The following CDC23 variants were observed in gnomAD, a reference collection of about 807,000 sequenced individuals.
CDC23 encodes cell division cycle protein 23 homolog.
CDC23 carries 26 observed loss-of-function variants against 81.7 expected under a neutral mutation model. The observed-to-expected ratio is 0.32, with a 90% CI of 0.23 to 0.44. The LOEUF (loss-of-function observed/expected upper bound fraction) is 0.44, where lower values mean the gene tolerates loss of function less well. Ranked by LOEUF, CDC23 falls within the 20% of genes least tolerant of loss-of-function variation. The probability of loss-of-function intolerance (pLI) is 1.00; values close to 1 mark genes in which losing one functional copy is unlikely to be tolerated. For missense variants in CDC23, 519 were observed against 728.0 expected (o/e 0.71, Z 3.30); for synonymous variants, 267 against 270.8 (o/e 0.99, Z 0.14).
chr5:138,190,534 C>T (rs183052001), intron 13 of CDC23, among the ~76,000 whole-genome samples: 2 of 151,646 alleles, frequency 1.3e-5, no homozygotes, highest in Non-Finnish European at 2.9e-5. Context: ...GAGGCCAAGG[C>T]GGGTGGGTCA....
rs557538140 is a variant in CDC23 at position 138,209,865 on chromosome 5, A to G, written c.234+3126T>C. Reference sequence around the variant, plus strand: ...TGAGAGTAAGCTATAACAAACATCTACTACGTAGATTGAGCAAGCATAATA... The same window carrying G: ...TGAGAGTAAGCTATAACAAACATCTGCTACGTAGATTGAGCAAGCATAATA... On this transcript the variant is annotated intron_variant, in intron 2 of 15. Coordinates refer to ENST00000394886, the MANE Select transcript of CDC23 (RefSeq NM_004661.4). Among the ~76,000 whole-genome samples the G allele has an allele frequency of 3.3e-5, 5 of 151,750 alleles. No individual in the cohort carries two copies. In the South Asian group the frequency reaches 1.0e-3, roughly 32 times the overall value.
chr5:138,195,724 A>ATATATATACATATAATATATATG (rs1417651597), intron 9 of CDC23, among the ~76,000 whole-genome samples: 11 of 56,818 alleles, frequency 1.9e-4, no homozygotes, highest in South Asian at 5.7e-4. Context: ...ATATATATGT[A>ATATATATACATATAATATATATG]TATATATACA....
At position 138,192,528 on chromosome 5, in the gene CDC23, G is replaced by A; in HGVS notation, c.1142C>T (p.Thr381Met). The A allele has an allele frequency of 2.5e-6, 4 of 1,614,046 alleles. No individual in the cohort carries two copies. The highest frequency in any genetic ancestry group is 1.3e-5 in the African/African-American group (1 of 75,026). The change falls in exon 10 of 16, where the codon ACG becomes ATG. Residue 381 changes from threonine to methionine, a missense_variant. Transcript: ENST00000394886. ...CCTATAAGCCTGGATAGCAGCAGACGTGTTCTTCATCTCCATGTACTCATG... is the reference window on the plus strand; with the variant it reads ...CCTATAAGCCTGGATAGCAGCAGACATGTTCTTCATCTCCATGTACTCATG... ...MGHEYMEMKN[T>M]SAAIQAYRHA...
intron 2 of CDC23, among the ~76,000 whole-genome samples, chr5:138,209,053 TG>T (rs745443602): frequency 2.0e-5 from 3 of 151,722 alleles, no homozygotes; most frequent in Non-Finnish European, 2.9e-5. Flanking sequence ...ATTACAGGCA[TG>T]GGCCACCATG....
chr5:138,201,485 A>G, intron 4 of CDC23, 37 bp from the exon 5 acceptor site: 1 of 1,351,014 alleles, frequency 7.4e-7, no homozygotes, highest in Non-Finnish European at 1.0e-6. Flanking sequence ...TAAGGTTAGG[A>G]TGCTGGTTTT....
intron 8 of CDC23, 22 bp downstream of exon 8, chr5:138,198,404 C>T (rs1051041742): frequency 1.9e-6 from 3 of 1,608,608 alleles, no homozygotes; most frequent in Non-Finnish European, 2.6e-6. Context: ...TTAATCAAAT[C>T]CAAGCAAGGG....
At chr5:138,190,342 C>T (rs1471567928) in intron 13 of CDC23, among the ~76,000 whole-genome samples, 1 of 151,848 alleles carries the variant, frequency 6.6e-6, no homozygotes, top group South Asian at 2.1e-4. Flanking sequence ...CCTGTAATCC[C>T]ACCTACTCAG....
chr5:138,212,226 A>G (rs1755121251), intron 2 of CDC23, among the ~76,000 whole-genome samples: 1 of 152,194 alleles, frequency 6.6e-6, no homozygotes, highest in African/African-American at 2.4e-5. Flanking sequence ...GCCAAAGGTC[A>G]TTTGAACCCA....
chr5:138,197,037 T>G (rs1245317301), intron 9 of CDC23, among the ~76,000 whole-genome samples: 1 of 150,438 alleles, frequency 6.6e-6, no homozygotes, highest in East Asian at 1.9e-4. Flanking sequence ...AGCTAGTAAT[T>G]ATGCCTGGCT....
At chr5:138,208,483 T>C (rs1755077842) in intron 2 of CDC23, among the ~76,000 whole-genome samples, 1 of 152,130 alleles carries the variant, frequency 6.6e-6, no homozygotes, top group African/African-American at 2.4e-5. Flanking sequence ...TCACCTGCAT[T>C]ATGCCTTTTT....
At position 138,190,114 on chromosome 5, in the gene CDC23, G is replaced by A. The variant is rs1754809876; in HGVS notation, c.1425-208C>T. On this transcript the variant is annotated intron_variant, in intron 13 of 15. Transcript: ENST00000394886. ...CATTACTCTGCTAATGATGGAAGGA[G>A]AGTCAGTAAATATTAATATCTAAGC... 2.7e-4 allele frequency: 155 copies of A among 575,104 alleles called. 5 individuals are homozygous for A. In the South Asian group the frequency reaches 3.4e-3, roughly 12 times the overall value. The allele number at this position is 575,104 out of a possible 1,614,324, so 35.6% of individuals were successfully genotyped here. A position where few individuals can be genotyped will look rare whatever the true frequency, so the allele number is the denominator to read the frequency against.
chr5:138,191,609 C>T lies in CDC23; in HGVS notation c.1363-74G>A, dbSNP rs1051033662. The T allele has an allele frequency of 2.9e-6, 4 of 1,372,590 alleles. No individual in the cohort carries two copies. In the African/African-American group the frequency reaches 5.7e-5, roughly 20 times the overall value. The allele number at this position is 1,372,590 out of a possible 1,614,324, so 85.0% of individuals were successfully genotyped here. A position where few individuals can be genotyped will look rare whatever the true frequency, so the allele number is the denominator to read the frequency against. Reference sequence around the variant, plus strand: ...AACTAAATCATATGAAGGTTAAGACCCTGCAAGCCTCCCAGAAGTTCAGAT... The same window carrying T: ...AACTAAATCATATGAAGGTTAAGACTCTGCAAGCCTCCCAGAAGTTCAGAT... On this transcript the variant is annotated intron_variant, in intron 12 of 15. Transcript: ENST00000394886.
chr5:138,192,166 G>A, intron 11 of CDC23, 103 bp downstream of exon 11: 1 of 1,442,432 alleles, frequency 6.9e-7, no homozygotes, highest in Non-Finnish European at 9.5e-7. Context: ...AGATCCCCAA[G>A]AGCCAAAACC....
intron 9 of CDC23, among the ~76,000 whole-genome samples, chr5:138,197,650 C>A (rs1754932097): frequency 1.3e-5 from 2 of 151,018 alleles, no homozygotes; most frequent in South Asian, 4.2e-4. Context: ...GCACATGCCA[C>A]CACACCCGGC....
chr5:138,206,682 T>G lies in CDC23; in HGVS notation c.237A>C (p.Glu79Asp), dbSNP rs776392318. The G allele has an allele frequency of 6.2e-7, 1 of 1,607,534 alleles. No homozygotes were observed. ...TATAGGCATCCATATCCTGGGCATCTTCCTAAAAAAGAAACAAGCTTATGT... is the reference window on the plus strand; with the variant it reads ...TATAGGCATCCATATCCTGGGCATCGTCCTAAAAAAGAAACAAGCTTATGT... ...ELQPPPPITE[E>D]DAQDMDAYTL... The change falls in exon 3 of 16, where the codon GAA (glutamate) becomes GAC (aspartate). Residue 79 changes from glutamate (E) to aspartate (D), a missense_variant and splice_region_variant. Around this residue, in one of 4 missense-constraint regions of CDC23, gnomAD observed 126 missense variants for 116.2 expected, o/e 1.08. Coordinates refer to ENST00000394886, the MANE Select transcript of CDC23 (RefSeq NM_004661.4).
intron 4 of CDC23, among the ~76,000 whole-genome samples, chr5:138,201,749 T>G (rs1174072732): frequency 6.6e-6 from 1 of 152,234 alleles, no homozygotes; most frequent in South Asian, 2.1e-4. Context: ...ACCCATTTAC[T>G]GTATTCCAGA....
chr5:138,209,430 A>AAAAAAAAAAG (rs1554107753), intron 2 of CDC23, among the ~76,000 whole-genome samples: 146 of 151,158 alleles, frequency 9.7e-4, no homozygotes, highest in African/African-American at 3.3e-3. Context: ...TCAAAAAAAA[A>AAAAAAAAAAG]AAAAGAAAAG....
chr5:138,195,616 TATATAAATATAA>T (rs1293702617), intron 9 of CDC23, among the ~76,000 whole-genome samples: 2 of 117,828 alleles, frequency 1.7e-5, no homozygotes, highest in Admixed American at 2.3e-4. Context: ...GATATATTTA[TATATAAATATAA>T]ATATATATAC....
intron 15 of CDC23, 148 bp downstream of exon 15, chr5:138,189,485 C>T (rs1182930433): frequency 3.9e-6 from 3 of 772,706 alleles, no homozygotes; most frequent in Non-Finnish European, 6.2e-6. Flanking sequence ...TCTTGAACTC[C>T]TGGACACAAG....
Sources: allele counts gnomAD v4.1 joint callset (sites outside exome capture counted in the v4.1 genomes callset), GRCh38; gene constraint gnomAD v4.1.1; regional missense constraint gnomAD v4.1.1; transcripts MANE v1.5; gene names NCBI Gene and HGNC (gene_info 2026-07-23, HGNC 2026-07-21).